NCOA3: variants seen among roughly 807,000 people sequenced by gnomAD.
NCOA3 encodes CBP-interacting protein.
In NCOA3, 51 loss-of-function variants were observed where a neutral mutation model predicts 158.8. The observed-to-expected ratio is 0.32, with a 90% CI of 0.26 to 0.41. The LOEUF (loss-of-function observed/expected upper bound fraction) is 0.41. Among genes scored for constraint, NCOA3 ranks in the 10% least tolerant of loss-of-function variants. NCOA3 has a pLI of 1.00. For missense variants in NCOA3, 1,510 were observed against 1,746.6 expected (o/e 0.86, Z 2.41); for synonymous variants, 537 against 592.4 (o/e 0.91, Z 1.36).
At chr20:47,647,909 G>GTTT (rs1199919209) in intron 18 of NCOA3, among the ~76,000 whole-genome samples, 14 of 128,074 alleles carry the variant, frequency 1.1e-4, no homozygotes, top group African/African-American at 1.5e-4. Flanking sequence ...TTGTTTGTTT[G>GTTT]TTTTGTTTTG....
Position 47,656,592 on chromosome 20 carries a change from G to GT in NCOA3, c.*3177dup, listed in dbSNP as rs1453044378. 6 of 152,598 alleles carry GT rather than the reference G, an allele frequency of 3.9e-5. No individual in the cohort carries two copies. Among genetic ancestry groups the GT allele is most frequent in the African/African-American group, 1.2e-4 (5 of 41,450 alleles). 9.5% of individuals were successfully genotyped at this position (152,598 alleles called of 1,614,324 possible). Reference sequence around the variant, plus strand: ...ATTGTTTTCAACTCCAAGGCACACTGTTAATAAACGAGCAGGGTGTTTTCT... The same window carrying GT: ...ATTGTTTTCAACTCCAAGGCACACTGTTTAATAAACGAGCAGGGTGTTTTCT... On this transcript the variant is annotated 3_prime_UTR_variant, in exon 23 of 23. Transcript: ENST00000371998.
chr20:47,528,922 A>G (rs2084500985), intron 1 of NCOA3, among the ~76,000 whole-genome samples: 1 of 152,048 alleles, frequency 6.6e-6, no homozygotes, highest in Admixed American at 6.6e-5. Flanking sequence ...TACAGCCACC[A>G]CGTCCAGCTA....
intron 1 of NCOA3, among the ~76,000 whole-genome samples, chr20:47,507,141 T>C (rs1395613197): frequency 1.3e-5 from 2 of 152,208 alleles, no homozygotes; most frequent in Non-Finnish European, 2.9e-5. Context: ...TTATGGTTAA[T>C]TGAATGTTGA....
Position 47,652,493 on chromosome 20 carries a change from A to G in NCOA3, c.4034A>G (p.Asn1345Ser). 1 of 1,614,150 alleles carries G rather than the reference A, an allele frequency of 6.2e-7. No individual in the cohort carries two copies. The highest frequency in any genetic ancestry group is 8.5e-7 in the Non-Finnish European group (1 of 1,179,966). ...TCGTCAAGAATGGGTCCCTCCCAGA[A>G]TCCCATGATGCAACACCCGCAGGCT... ...MMSSRMGPSQ[N>S]PMMQHPQAAS... Residue 1345 changes from asparagine to serine, a missense_variant, in exon 21 of 23, where the codon AAT (asparagine) becomes AGT (serine). Asn to Ser is a conservative substitution (Grantham distance 46, BLOSUM62 1). Transcript: ENST00000371998.
intron 16 of NCOA3, among the ~76,000 whole-genome samples, chr20:47,641,967 C>A (rs1328142530): frequency 6.6e-6 from 1 of 152,100 alleles, no homozygotes; most frequent in African/African-American, 2.4e-5. Flanking sequence ...TTGGCAATTA[C>A]AATTTGGTGT....
intron 1 of NCOA3, among the ~76,000 whole-genome samples, chr20:47,548,671 A>T (rs1263753959): frequency 6.6e-6 from 1 of 152,236 alleles, no homozygotes; most frequent in Non-Finnish European, 1.5e-5. Flanking sequence ...AAATGCTTTT[A>T]AAAAAGTGTG....
chr20:47,604,533 C>T (rs1031897136), intron 2 of NCOA3, among the ~76,000 whole-genome samples: 4 of 152,114 alleles, frequency 2.6e-5, no homozygotes, highest in African/African-American at 4.8e-5. Flanking sequence ...ATTTATAATT[C>T]GTGAAAGCTT....
intron 22 of NCOA3, 38 bp from the exon 23 acceptor site, chr20:47,653,368 A>AT (rs545375540): frequency 0.16 from 219,119 of 1,358,076 alleles, 1,631 homozygotes; most frequent in Non-Finnish European, 0.18. Context: ...TGTTTTACTC[A>AT]TTTTTTTTTT....
At chr20:47,633,444 T>G in intron 8 of NCOA3, 52 bp from the exon 9 acceptor site, 1 of 1,533,072 alleles carries the variant, frequency 6.5e-7, no homozygotes, top group Non-Finnish European at 8.9e-7. Flanking sequence ...AGGCAGCCAG[T>G]AAATACTTGT....
intron 1 of NCOA3, among the ~76,000 whole-genome samples, chr20:47,537,072 G>A (rs2084645871): frequency 6.6e-6 from 1 of 151,850 alleles, no homozygotes; most frequent in Non-Finnish European, 1.5e-5. Flanking sequence ...GCCTCCTAAA[G>A]TGCTGGGATT....
intron 17 of NCOA3, among the ~76,000 whole-genome samples, chr20:47,644,453 A>G (rs1383754080): frequency 6.7e-6 from 1 of 149,996 alleles, no homozygotes; most frequent in African/African-American, 2.5e-5. Context: ...CTGGCCCTTC[A>G]TTCTATATTT....
At chr20:47,549,560 C>CAA (rs763889456) in intron 1 of NCOA3, among the ~76,000 whole-genome samples, 1,756 of 54,906 alleles carry the variant, frequency 0.032, 75 homozygotes, top group African/African-American at 0.092. Flanking sequence ...GACTCTGTCT[C>CAA]AAAAAAAAAA....
intron 10 of NCOA3, among the ~76,000 whole-genome samples, chr20:47,634,527 A>G (rs568374855): frequency 6.6e-5 from 10 of 152,306 alleles, no homozygotes; most frequent in Admixed American, 5.2e-4. Flanking sequence ...TTGAGGGTAA[A>G]CTTCAAGAAT....
intron 1 of NCOA3, among the ~76,000 whole-genome samples, chr20:47,547,802 A>G (rs2084857561): frequency 1.3e-5 from 2 of 151,598 alleles, no homozygotes; most frequent in East Asian, 1.9e-4. Flanking sequence ...TGCAACCTCC[A>G]CCTCCTGGGT....
rs372980826 is a variant in NCOA3, at chr20:47,638,546, GA to G, written c.2513-455del. On this transcript the variant is annotated intron_variant, in intron 13 of 22. Transcript: ENST00000371998. ...GGATAGATCAATTAAGAGTGGGGGG[GA>G]AAAAAAGAAGGTTAGAAGGGGATTT... Among the ~76,000 whole-genome samples, 30 of 152,020 alleles carry G rather than the reference GA, an allele frequency of 2.0e-4. 3 individuals carry two copies. Among genetic ancestry groups the G allele is most frequent in the African/African-American group, 3.9e-4 (16 of 41,474 alleles).
intron 1 of NCOA3, among the ~76,000 whole-genome samples, chr20:47,509,460 TGA>T (rs895331189): frequency 2.6e-5 from 4 of 152,276 alleles, no homozygotes; most frequent in Middle Eastern, 3.4e-3. Flanking sequence ...TGTGTGTGTG[TGA>T]GAGAGAGGGA....
At chr20:47,587,792 A>G (rs1347178280) in intron 2 of NCOA3, among the ~76,000 whole-genome samples, 3 of 152,194 alleles carry the variant, frequency 2.0e-5, no homozygotes, top group Non-Finnish European at 4.4e-5. Context: ...TGAAACATAC[A>G]TATACATATT....
intron 1 of NCOA3, among the ~76,000 whole-genome samples, chr20:47,505,023 T>C: frequency 8.0e-6 from 1 of 124,700 alleles, no homozygotes; most frequent in Admixed American, 8.9e-5. Context: ...TTTTTTTTTT[T>C]TTTTTTGCGG....
chr20:47,597,637 C>T (rs370660604), intron 2 of NCOA3, among the ~76,000 whole-genome samples: 7 of 151,652 alleles, frequency 4.6e-5, no homozygotes, highest in African/African-American at 9.7e-5. Flanking sequence ...TACAGGTACT[C>T]GCCACCAAGC....
Sources: allele counts gnomAD v4.1 joint callset (sites outside exome capture counted in the v4.1 genomes callset), GRCh38; gene constraint gnomAD v4.1.1; transcripts MANE v1.5; gene names NCBI Gene and HGNC (gene_info 2026-07-23, HGNC 2026-07-21).